TENM3: variants seen among roughly 807,000 people sequenced by gnomAD.
TENM3 encodes teneurin transmembrane protein 3.
Under a neutral mutation model 255.1 loss-of-function variants are expected in TENM3, and 63 were observed. The observed-to-expected ratio is 0.25, with a 90% CI of 0.20 to 0.30. The LOEUF (loss-of-function observed/expected upper bound fraction) is 0.30, where lower values mean the gene tolerates loss of function less well. Ranked by LOEUF, TENM3 falls within the 10% of genes least tolerant of loss-of-function variation. TENM3 has a pLI of 1.00. For missense variants in TENM3, 2,929 were observed against 3,461.1 expected (o/e 0.85, Z 3.86); for synonymous variants, 1,306 against 1,322.3 (o/e 0.99, Z 0.27).
At chr4:181,937,009 G>T in the TENM3 span, among the ~76,000 whole-genome samples, 1 of 152,204 alleles carries the variant, frequency 6.6e-6, no homozygotes, top group East Asian at 1.9e-4. Flanking sequence ...TGGGGAGAAT[G>T]CCATCTAATT....
the TENM3 span, among the ~76,000 whole-genome samples, chr4:181,982,206 A>G: frequency 7.2e-5 from 11 of 152,322 alleles, no homozygotes; most frequent in South Asian, 2.1e-3. Context: ...AAGGAATTTC[A>G]GCGGCGCGAT....
the TENM3 span, among the ~76,000 whole-genome samples, chr4:181,739,403 T>TACCAACTAAAGA: frequency 2.0e-5 from 3 of 152,216 alleles, no homozygotes; most frequent in East Asian, 5.8e-4. Flanking sequence ...TTGCCTCTCG[T>TACCAACTAAAGA]ACCAACTAAA....
At chr4:181,681,865 C>T in the TENM3 span, among the ~76,000 whole-genome samples, 1 of 151,682 alleles carries the variant, frequency 6.6e-6, no homozygotes, top group Non-Finnish European at 1.5e-5. Flanking sequence ...AACTCTATAC[C>T]TTTGTTAATC....
At chr4:181,934,404 A>C in the TENM3 span, among the ~76,000 whole-genome samples, 4 of 152,138 alleles carry the variant, frequency 2.6e-5, no homozygotes, top group Non-Finnish European at 4.4e-5. Context: ...TGGTTAATCT[A>C]AGTTAAAAAT....
the TENM3 span, among the ~76,000 whole-genome samples, chr4:181,569,064 G>C: frequency 6.6e-6 from 1 of 152,212 alleles, no homozygotes; most frequent in Non-Finnish European, 1.5e-5. Flanking sequence ...CCAGTGCAGT[G>C]GCTCATGCCT....
chr4:182,194,326 A>G (rs754019780), intron 1 of TENM3, among the ~76,000 whole-genome samples: 1 of 152,186 alleles, frequency 6.6e-6, no homozygotes, highest in Non-Finnish European at 1.5e-5. Context: ...TCACTGTGGC[A>G]TTCATGCTGA....
At chr4:181,793,510 C>G in the TENM3 span, among the ~76,000 whole-genome samples, 1 of 152,138 alleles carries the variant, frequency 6.6e-6, no homozygotes, top group Non-Finnish European at 1.5e-5. Flanking sequence ...AATGTCTCTT[C>G]CTGATAAGCA....
the TENM3 span, among the ~76,000 whole-genome samples, chr4:181,867,384 A>G: frequency 1.3e-5 from 2 of 151,970 alleles, no homozygotes; most frequent in African/African-American, 4.8e-5. Context: ...ACTCATCCTC[A>G]GTCTCCATTT....
the TENM3 span, among the ~76,000 whole-genome samples, chr4:181,737,260 T>A: frequency 6.6e-6 from 1 of 152,176 alleles, no homozygotes; most frequent in African/African-American, 2.4e-5. Flanking sequence ...GAAGATTTCA[T>A]GTAGAAAAAC....
chr4:182,600,875 A>G, intron 3 of TENM3, 49 bp from the exon 4 acceptor site: 1 of 910,062 alleles, frequency 1.1e-6, no homozygotes, highest in Non-Finnish European at 1.6e-6. Context: ...ATACATATAT[A>G]TATATATAAT....
chr4:182,792,583 G>A lies in TENM3; in HGVS notation c.5911G>A (p.Asp1971Asn). ...TAGCACAAGAGTCAGTTTTACCTATGATGAAACAGCAGGAGTCCTAAAGAC... is the reference window on the plus strand; with the variant it reads ...TAGCACAAGAGTCAGTTTTACCTATAATGAAACAGCAGGAGTCCTAAAGAC... Reference protein sequence around the residue: ...YDSTRVSFTYDETAGVLKTVN... With the variant: ...YDSTRVSFTYNETAGVLKTVN... Residue 1971 changes from aspartate (D) to asparagine (N), a missense_variant, in exon 26 of 28, where the codon GAT (aspartate) becomes AAT (asparagine). This residue lies in a region of TENM3 where 303 missense variants were observed against 425.2 expected (regional missense o/e 0.71). Transcript: ENST00000511685. This position sits in a 1 kb window ranked among gnomAD's most constrained non-coding sequence, Gnocchi z 6.3. 2 of 1,614,004 alleles carry A rather than the reference G, an allele frequency of 1.2e-6. No individual in the cohort carries two copies. The highest frequency in any genetic ancestry group is 1.7e-6 in the Non-Finnish European group (2 of 1,179,874).
At chr4:182,282,034 C>T in intron 1 of TENM3, among the ~76,000 whole-genome samples, 1 of 152,200 alleles carries the variant, frequency 6.6e-6, no homozygotes, top group East Asian at 1.9e-4. Context: ...CCATGCCTGG[C>T]CCATCGTCAT....
chr4:181,472,671 G>T, the TENM3 span, among the ~76,000 whole-genome samples: 10 of 152,138 alleles, frequency 6.6e-5, no homozygotes, highest in African/African-American at 2.4e-4. Context: ...TCCTGACTTG[G>T]GAGTAGGAGT....
At chr4:181,765,336 G>A in the TENM3 span, among the ~76,000 whole-genome samples, 13 of 152,152 alleles carry the variant, frequency 8.5e-5, 1 homozygote, top group African/African-American at 1.7e-4. Context: ...CTTTGAGTGT[G>A]ATAATGGAAA....
the TENM3 span, among the ~76,000 whole-genome samples, chr4:181,457,864 A>T: frequency 5.3e-5 from 8 of 151,990 alleles, no homozygotes; most frequent in African/African-American, 1.9e-4. Context: ...ACCAGATTCT[A>T]GGTGTGAATT....
the TENM3 span, among the ~76,000 whole-genome samples, chr4:181,451,040 C>A: frequency 1.3e-5 from 2 of 152,106 alleles, no homozygotes; most frequent in Middle Eastern, 3.4e-3. Flanking sequence ...ACCGTTTGTT[C>A]TGAGTGATGA....
the TENM3 span, among the ~76,000 whole-genome samples, chr4:181,698,313 G>A: frequency 6.6e-6 from 1 of 151,870 alleles, no homozygotes; most frequent in Non-Finnish European, 1.5e-5. Flanking sequence ...CCAAAAACTA[G>A]CAAAAGACTA....
chr4:181,454,802 C>T, the TENM3 span, among the ~76,000 whole-genome samples: 6 of 147,860 alleles, frequency 4.1e-5, no homozygotes, highest in Non-Finnish European at 8.9e-5. Flanking sequence ...AGCCTAGGAG[C>T]AATAGGCTGT....
intron 3 of TENM3, among the ~76,000 whole-genome samples, chr4:182,579,361 G>A (rs1243821952): frequency 7.6e-6 from 1 of 131,406 alleles, no homozygotes; most frequent in Non-Finnish European, 1.8e-5. Flanking sequence ...TAATGCAATG[G>A]GAAAACAGAG....
Sources: allele counts gnomAD v4.1 joint callset (sites outside exome capture counted in the v4.1 genomes callset), GRCh38; gene constraint gnomAD v4.1.1; regional missense constraint gnomAD v4.1.1; non-coding constraint Gnocchi (gnomAD v3.1); transcripts MANE v1.5; gene names NCBI Gene and HGNC (gene_info 2026-07-23, HGNC 2026-07-21).